PANK2: variants seen among roughly 807,000 people sequenced by gnomAD.
PANK2 encodes pantothenate kinase 2, mitochondrial.
In PANK2, 36 loss-of-function variants were observed where a neutral mutation model predicts 43.1. That is an observed-to-expected ratio of 0.84 (90% confidence interval 0.64 to 1.10). The LOEUF is 1.10. Ranked by LOEUF, PANK2 falls within the 50% of genes least tolerant of loss-of-function variation. The pLI is 0.00. For missense variants in PANK2, 576 were observed against 593.3 expected (o/e 0.97, Z 0.30); for synonymous variants, 281 against 238.2 (o/e 1.18, Z -1.66).
chr20:3,889,963 G>T (rs1230547539), intron 1 of PANK2: 2 of 1,512,324 alleles, frequency 1.3e-6, no homozygotes, highest in Non-Finnish European at 1.8e-6. Flanking sequence ...GGAGTGGAGG[G>T]CTTTTCCCCA....
At chr20:3,901,352 T>C (rs1014925287) in intron 1 of PANK2, among the ~76,000 whole-genome samples, 7 of 150,814 alleles carry the variant, frequency 4.6e-5, no homozygotes, top group African/African-American at 1.7e-4. Flanking sequence ...CTGGCTGTTT[T>C]GTATTTACTG....
chr20:3,901,446 TC>T (rs1416676020), intron 1 of PANK2: 2 of 203,526 alleles, frequency 9.8e-6, no homozygotes, highest in Non-Finnish European at 1.7e-5. Context: ...TTTTTTTTTC[TC>T]CTCTGGAGTT....
intron 1 of PANK2, among the ~76,000 whole-genome samples, chr20:3,898,572 C>T (rs1299815833): frequency 1.3e-5 from 2 of 151,954 alleles, no homozygotes; most frequent in Non-Finnish European, 2.9e-5. Flanking sequence ...TTGGGTATAT[C>T]CTATTGGTTT....
At chr20:3,903,815 G>A (rs1382553265) in intron 1 of PANK2, among the ~76,000 whole-genome samples, 3 of 151,880 alleles carry the variant, frequency 2.0e-5, no homozygotes, top group Non-Finnish European at 4.4e-5. Flanking sequence ...TTTTAGTAGA[G>A]ACGTGGTTTC....
upstream of PANK2, chr20:3,889,179 C>A (rs1427393180): frequency 1.2e-6 from 2 of 1,609,632 alleles, no homozygotes; most frequent in Non-Finnish European, 1.7e-6. Flanking sequence ...ACACCGCCTT[C>A]TCTTCCTCCG....
chr20:3,891,196 C>T (rs1042712581), intron 1 of PANK2: 1 of 152,204 alleles, frequency 6.6e-6, no homozygotes, highest in Non-Finnish European at 1.5e-5. Context: ...ACTAAAGGCA[C>T]GTGCCACTAT....
intron 1 of PANK2, among the ~76,000 whole-genome samples, chr20:3,895,122 A>G (rs2090184047): frequency 6.6e-6 from 1 of 151,978 alleles, no homozygotes; most frequent in Non-Finnish European, 1.5e-5. Context: ...CTCCAAAAAT[A>G]AAAAGGGCAT....
At chr20:3,912,299 A>G (rs113791739) in intron 3 of PANK2, among the ~76,000 whole-genome samples, 159 bp from the exon 4 acceptor site, 4 of 152,296 alleles carry the variant, frequency 2.6e-5, no homozygotes, top group Admixed American at 6.5e-5. Flanking sequence ...TTAAAGGTGT[A>G]TATCAGGCAC....
chr20:3,924,167 A>C lies in PANK2; in HGVS notation c.*873A>C, dbSNP rs2090688438. 1 of 152,398 alleles carries C rather than the reference A, an allele frequency of 6.6e-6. No homozygotes were observed. The highest frequency in any genetic ancestry group is 1.5e-5 in the Non-Finnish European group (1 of 68,164). The allele number at this position is 152,398 out of a possible 1,614,324, so 9.4% of individuals were successfully genotyped here. A position where few individuals can be genotyped will look rare whatever the true frequency, so the allele number is the denominator to read the frequency against. Reference sequence around the variant, plus strand: ...CTGTGGCACTTGGGAGGTGAGTCTCAGAAGACTGCCTGAGGAGAGTGCCAG... The same window carrying C: ...CTGTGGCACTTGGGAGGTGAGTCTCCGAAGACTGCCTGAGGAGAGTGCCAG... On this transcript the variant is annotated 3_prime_UTR_variant, in exon 7 of 7. Coordinates refer to ENST00000610179, the MANE Select transcript of PANK2 (RefSeq NM_001386393.1).
chr20:3,923,338 C>T lies in PANK2; in HGVS notation c.*44C>T. ...TTCCTGAAACCTTCCACAATGGGAT[C>T]TGTGGACTTTCATTTTTTTAAGAGA... On this transcript the variant is annotated 3_prime_UTR_variant, in exon 7 of 7. Transcript: ENST00000610179. 1 of 1,588,384 alleles carries T rather than the reference C, an allele frequency of 6.3e-7. No individual in the cohort carries two copies. The highest frequency in any genetic ancestry group is 8.6e-7 in the Non-Finnish European group (1 of 1,156,630).
intron 6 of PANK2, among the ~76,000 whole-genome samples, chr20:3,922,367 A>G (rs578017455): frequency 1.3e-5 from 2 of 152,150 alleles, no homozygotes; most frequent in Non-Finnish European, 2.9e-5. Flanking sequence ...TCTTGGTTGC[A>G]TGTGACCTGA....
At position 3,907,964 on chromosome 20, in the gene PANK2, G is replaced by A; in HGVS notation, c.337G>A (p.Val113Ile). The change falls in exon 2 of 7, where the codon GTC (valine) becomes ATC (isoleucine). Residue 113 changes from valine to isoleucine, a missense_variant. By Grantham distance (29) the Val-to-Ile change is conservative (BLOSUM62 3). Coordinates refer to ENST00000610179, the MANE Select transcript of PANK2 (RefSeq NM_001386393.1). ...TGGACTGGATATCGGTGGAACTCTG[G>A]TCAAGCTGGTATATTTTGAACCCAA... The A allele has an allele frequency of 6.2e-7, 1 of 1,614,080 alleles. No homozygotes were observed. Among genetic ancestry groups the A allele is most frequent in the Non-Finnish European group, 8.5e-7 (1 of 1,180,016 alleles).
intron 5 of PANK2, among the ~76,000 whole-genome samples, 195 bp from the exon 6 acceptor site, chr20:3,918,476 T>C (rs2090597220): frequency 6.6e-6 from 1 of 152,186 alleles, no homozygotes; most frequent in South Asian, 2.1e-4. Flanking sequence ...TCCTGTGACA[T>C]TATCTAGCAT....
chr20:3,918,577 T>C, intron 5 of PANK2, 94 bp from the exon 6 acceptor site: 1 of 1,545,884 alleles, frequency 6.5e-7, no homozygotes, highest in Non-Finnish European at 8.9e-7. Context: ...AAATTGTTGC[T>C]AAGAGCTATG....
rs190757229 is a variant in PANK2 at position 3,898,937 on chromosome 20, C to T, written c.299-8989C>T. Among the ~76,000 whole-genome samples, 1,148 of 149,854 alleles carry T rather than the reference C, an allele frequency of 7.7e-3. 22 individuals carry two copies. The highest frequency in any genetic ancestry group is 0.027 in the African/African-American group (1,086 of 40,784). The stretch of plus-strand genomic sequence containing the variant: ...TTGTCTAGGCTGGAGTGCAGTGGTG[C>T]GACCTCGGCTCACTGCACCCTCTGC... On this transcript the variant is annotated intron_variant, in intron 1 of 6. Transcript: ENST00000610179.
intron 5 of PANK2, among the ~76,000 whole-genome samples, chr20:3,917,320 T>C (rs370672256): frequency 3.3e-5 from 5 of 152,022 alleles, no homozygotes; most frequent in East Asian, 3.9e-4. Flanking sequence ...GTTCCAGATA[T>C]TGGGGACTGT....
chr20:3,898,641 T>C (rs1313851461), intron 1 of PANK2, among the ~76,000 whole-genome samples: 1 of 152,138 alleles, frequency 6.6e-6, no homozygotes, highest in African/African-American at 2.4e-5. Flanking sequence ...TGATTTCCTT[T>C]TTAATCCCAG....
upstream of PANK2, chr20:3,889,132 T>C (rs865807872): frequency 3.2e-6 from 5 of 1,559,154 alleles, no homozygotes; most frequent in Non-Finnish European, 3.5e-6. Flanking sequence ...CACCCACGCG[T>C]CCATTGGGCG....
intron 1 of PANK2, among the ~76,000 whole-genome samples, chr20:3,903,870 G>A (rs2090345498): frequency 6.6e-6 from 1 of 151,884 alleles, no homozygotes; most frequent in Non-Finnish European, 1.5e-5. Context: ...CTTGTGATCC[G>A]GCCGCTTCAG....
Sources: gnomAD v4.1 joint callset for allele counts (sites outside exome capture counted in the v4.1 genomes callset) on GRCh38, gnomAD v4.1.1 for gene constraint, MANE v1.5 for transcripts, NCBI Gene and HGNC (gene_info 2026-07-23, HGNC 2026-07-21) for gene names.